The following BIRC6 variants were observed in gnomAD, a reference collection of about 807,000 sequenced individuals.
BIRC6 encodes baculoviral IAP repeat containing 6.
In BIRC6, 98 loss-of-function variants were observed where a neutral mutation model predicts 503.3. The ratio of observed to expected loss-of-function variants is 0.19; its 90% CI spans 0.17 to 0.23. The LOEUF (loss-of-function observed/expected upper bound fraction) is 0.23. Among genes scored for constraint, BIRC6 ranks in the 10% least tolerant of loss-of-function variants. The probability of loss-of-function intolerance (pLI) is 1.00; values close to 1 mark genes in which losing one functional copy is unlikely to be tolerated. For missense variants in BIRC6, 5,360 were observed against 5,806.0 expected, an observed-to-expected ratio of 0.92 and a Z score of 2.50; for synonymous variants, 2,240 against 2,078.7, an observed-to-expected ratio of 1.08 and a Z score of -2.11.
intron 19 of BIRC6, among the ~76,000 whole-genome samples, chr2:32,442,863 A>G (rs1243975305): frequency 6.6e-6 from 1 of 152,106 alleles, no homozygotes; most frequent in Admixed American, 6.6e-5. Flanking sequence ...CCTGAAACAA[A>G]TTAGAACAGT....
At chr2:32,437,639 C>A (rs2044874374) in intron 15 of BIRC6, among the ~76,000 whole-genome samples, 1 of 152,172 alleles carries the variant, frequency 6.6e-6, no homozygotes, top group Admixed American at 6.5e-5. Context: ...ATATACTTAA[C>A]TAGTTCAGTA....
At position 32,469,474 on chromosome 2, in the gene BIRC6, T is replaced by C. The variant is rs1228231430; in HGVS notation, c.6207T>C (p.Ser2069=). ...AGCTCTTTAAACACTTGTGCATCAG[T>C]GGAACCCCAAAGATACGGTTACATA... The part of the protein sequence containing the change: ...CEELFKHLCI[S]GTPKIRLHTG... The change falls in exon 30 of 74, where the codon AGT becomes AGC. Residue 2069 remains serine, a synonymous_variant. Transcript: ENST00000421745. The C allele has an allele frequency of 5.6e-6, 9 of 1,613,834 alleles. No homozygotes were observed. Among genetic ancestry groups the C allele is most frequent in the African/African-American group, 1.3e-5 (1 of 74,932 alleles).
In BIRC6 at chr2:32,545,819, C is replaced by A. The variant is rs2058017907; in HGVS notation, c.12769C>A (p.His4257Asn). 6.2e-7 allele frequency: 1 copy of A among 1,613,730 alleles called. No homozygotes were observed. Among genetic ancestry groups the A allele is most frequent in the African/African-American group, 1.3e-5 (1 of 74,900 alleles). The part of the protein sequence containing the change: ...ILVCLSALSH[H>N]SPRVPNSSVN... The stretch of plus-strand genomic sequence containing the variant: ...TGTCTGTCTCTCTGCTTTGAGCCAC[C>A]ATTCCCCACGAGTTCCAAACTCTAG... The change falls in exon 63 of 74, where the codon CAT becomes AAT. Residue 4257 changes from histidine (H) to asparagine (N), a missense_variant. This residue lies in a region of BIRC6 where 477 missense variants were observed against 574.4 expected (regional missense o/e 0.83). Transcript: ENST00000421745.
intron 59 of BIRC6, chr2:32,529,308 C>T (rs968555936): frequency 2.1e-5 from 4 of 187,860 alleles, no homozygotes; most frequent in African/African-American, 9.5e-5. Flanking sequence ...TGTAGATTAG[C>T]AGTTGTAACA....
In BIRC6 at chr2:32,532,134, CGTGTGTGTGTGT is replaced by C. The variant is rs138437601; in HGVS notation, c.12291+609_12291+620del. Reference sequence around the variant, plus strand: ...GGAATTATTCTCTTTGATTTCATGTCGTGTGTGTGTGTGTGTGTGTGTGTGTGTGTGTGTGTG... The same window carrying C: ...GGAATTATTCTCTTTGATTTCATGTCGTGTGTGTGTGTGTGTGTGTGTGTG... On this transcript the variant is annotated intron_variant, in intron 61 of 73. Coordinates refer to ENST00000421745, the MANE Select transcript of BIRC6 (RefSeq NM_016252.4). 411 of 449,832 alleles carry C rather than the reference CGTGTGTGTGTGT, an allele frequency of 9.1e-4. 1 individual carries two copies. Among genetic ancestry groups the C allele is most frequent in the African/African-American group, 8.1e-3 (349 of 42,962 alleles). The allele number at this position is 449,832 out of a possible 1,614,324, so 27.9% of individuals were successfully genotyped here. A position where few individuals can be genotyped will look rare whatever the true frequency, so the allele number is the denominator to read the frequency against.
At position 32,357,296 on chromosome 2, in the gene BIRC6, G is replaced by A; in HGVS notation, c.135G>A (p.Ala45=). 1.3e-6 allele frequency: 2 copies of A among 1,523,828 alleles called. No homozygotes were observed. The highest frequency in any genetic ancestry group is 1.8e-6 in the Non-Finnish European group (2 of 1,139,212). The allele number at this position is 1,523,828 out of a possible 1,614,324, so 94.4% of individuals were successfully genotyped here. A position where few individuals can be genotyped will look rare whatever the true frequency, so the allele number is the denominator to read the frequency against. ...AASGPGCSSA[A]GAGAAGVSEW... ...CGGGCCCCGGCTGCTCCTCGGCGGC[G>A]GGGGCGGGGGCGGCCGGGGTCTCAG... Residue 45 remains alanine, a synonymous_variant, in exon 1 of 74, where the codon GCG becomes GCA. Coordinates refer to ENST00000421745, the MANE Select transcript of BIRC6 (RefSeq NM_016252.4). The surrounding 1 kb of genome is among the most constrained non-coding windows in gnomAD (Gnocchi z 4.9).
rs1420834965 is a variant in BIRC6 at position 32,388,849 on chromosome 2, T to C, written c.745T>C (p.Leu249=). The C allele has an allele frequency of 6.2e-7, 1 of 1,613,520 alleles. No individual in the cohort carries two copies. The highest frequency in any genetic ancestry group is 1.1e-5 in the South Asian group (1 of 91,010). The part of the protein sequence containing the change: ...LKKINQNVAA[L]PVASSVMDRL... ...GAAAATAAATCAAAATGTTGCTGCCTTACCTGTGGCGTCCTCAGTGATGGA... is the reference window on the plus strand; with the variant it reads ...GAAAATAAATCAAAATGTTGCTGCCCTACCTGTGGCGTCCTCAGTGATGGA... The change falls in exon 4 of 74, where the codon TTA becomes CTA. Residue 249 remains leucine, a synonymous_variant. Transcript: ENST00000421745.
intron 54 of BIRC6, among the ~76,000 whole-genome samples, chr2:32,514,189 C>T (rs1026730398): frequency 1.3e-5 from 2 of 152,082 alleles, no homozygotes; most frequent in African/African-American, 4.8e-5. Flanking sequence ...GGCATGGTGG[C>T]ATGTTCCTCT....
intron 54 of BIRC6, among the ~76,000 whole-genome samples, chr2:32,513,719 G>T (rs895207142): frequency 2.6e-5 from 4 of 152,168 alleles, no homozygotes; most frequent in African/African-American, 7.2e-5. Context: ...GACCAGCCTG[G>T]CCAACATGGT....
chr2:32,444,906 C>G (rs928235653), intron 20 of BIRC6, among the ~76,000 whole-genome samples: 4 of 152,180 alleles, frequency 2.6e-5, no homozygotes, highest in African/African-American at 9.7e-5. Flanking sequence ...TTACGATAGT[C>G]TCTAATGTTT....
At chr2:32,400,954 T>C (rs892783103) in intron 6 of BIRC6, among the ~76,000 whole-genome samples, 1 of 152,206 alleles carries the variant, frequency 6.6e-6, no homozygotes, top group African/African-American at 2.4e-5. Context: ...TATTGTTGAA[T>C]GTTTGGAATA....
At chr2:32,459,049 A>G (rs2047549832) in intron 23 of BIRC6, among the ~76,000 whole-genome samples, 1 of 151,798 alleles carries the variant, frequency 6.6e-6, no homozygotes, top group African/African-American at 2.4e-5. Flanking sequence ...AAATCTACCA[A>G]CGTTCTTTTT....
intron 23 of BIRC6, among the ~76,000 whole-genome samples, chr2:32,458,564 A>G: frequency 6.6e-6 from 1 of 151,896 alleles, no homozygotes. Context: ...TTTATGGGAA[A>G]ACTACTCTGC....
At position 32,499,698 on chromosome 2, in the gene BIRC6, T is replaced by C. The variant is rs1356023852; in HGVS notation, c.8620T>C (p.Ser2874Pro). The C allele has an allele frequency of 3.1e-6, 5 of 1,613,896 alleles. No homozygotes were observed. The highest frequency in any genetic ancestry group is 4.2e-6 in the Non-Finnish European group (5 of 1,179,898). ...TTTAGTGCACCACTATATCACTTGC[T>C]CAGACAAAGTAATGTCAAGAAGTGG... ...TFLVHHYITCSDKVMSRSGSD... is the reference protein window; with the variant it reads ...TFLVHHYITCPDKVMSRSGSD... The change falls in exon 46 of 74, where the codon TCA becomes CCA. Residue 2874 changes from serine to proline, a missense_variant. Transcript: ENST00000421745.
At chr2:32,414,564 G>A (rs974591332) in intron 9 of BIRC6, among the ~76,000 whole-genome samples, 1 of 152,134 alleles carries the variant, frequency 6.6e-6, no homozygotes, top group African/African-American at 2.4e-5. Flanking sequence ...CTACTTGGGA[G>A]GCTGAGGCAC....
chr2:32,424,147 G>T (rs1268188366), intron 10 of BIRC6, among the ~76,000 whole-genome samples: 1 of 152,084 alleles, frequency 6.6e-6, no homozygotes, highest in Non-Finnish European at 1.5e-5. Flanking sequence ...TTGTGAAATT[G>T]TGAACAGTAT....
rs188349100 is a variant in BIRC6, at chr2:32,486,353, G to C, written c.7813+594G>C. Among the ~76,000 whole-genome samples, 113 of 152,336 alleles carry C rather than the reference G, an allele frequency of 7.4e-4. 1 individual carries two copies. The highest frequency in any genetic ancestry group is 5.0e-3 in the South Asian group (24 of 4,832). On this transcript the variant is annotated intron_variant, in intron 40 of 73. Transcript: ENST00000421745. ...ACTTGGTTGCAGGAAAACAGCCATA[G>C]ACAATATGTAAATGAATGGGTATGG...
At chr2:32,518,075 C>A (rs1572761726) in intron 55 of BIRC6, among the ~76,000 whole-genome samples, 179 bp from the exon 56 acceptor site, 1 of 150,826 alleles carries the variant, frequency 6.6e-6, no homozygotes, top group Admixed American at 6.6e-5. Context: ...AAAATCATTT[C>A]TTTCCTCCTT....
intron 65 of BIRC6, among the ~76,000 whole-genome samples, chr2:32,552,567 GACA>G (rs1245797097): frequency 1.3e-5 from 2 of 152,110 alleles, no homozygotes; most frequent in Non-Finnish European, 2.9e-5. Flanking sequence ...TAGAGGAAAG[GACA>G]ACCTTTTTTC....
Sources: gnomAD v4.1 joint callset for allele counts (sites outside exome capture counted in the v4.1 genomes callset) on GRCh38, gnomAD v4.1.1 for gene constraint, gnomAD v4.1.1 regional missense constraint, Gnocchi (gnomAD v3.1) non-coding constraint, MANE v1.5 for transcripts, NCBI Gene and HGNC (gene_info 2026-07-23, HGNC 2026-07-21) for gene names.